The following KCNN2 variants were observed in gnomAD, a reference collection of about 807,000 sequenced individuals.
The protein encoded by KCNN2 is small conductance calcium-activated potassium channel protein 2.
A neutral mutation model predicts 55.5 loss-of-function variants in KCNN2; 24 were observed. The ratio of observed to expected loss-of-function variants is 0.43; its 90% CI spans 0.31 to 0.61. KCNN2 has a LOEUF of 0.61. Ranked by LOEUF, KCNN2 falls within the 20% of genes least tolerant of loss-of-function variation. The probability of loss-of-function intolerance (pLI) is 0.08; values close to 1 mark genes in which losing one functional copy is unlikely to be tolerated. For synonymous variants in KCNN2, 431 were observed against 336.1 expected (o/e 1.28, Z -3.09); for missense variants, 754 against 853.6 (o/e 0.88, Z 1.45).
intron 2 of KCNN2, among the ~76,000 whole-genome samples, chr5:114,366,203 G>A (rs1056676769): frequency 6.6e-6 from 1 of 152,134 alleles, no homozygotes; most frequent in South Asian, 2.1e-4. Context: ...TTTGATTAGG[G>A]TATGTATTGC....
intron 3 of KCNN2, among the ~76,000 whole-genome samples, chr5:114,405,898 G>A (rs1758915676): frequency 6.6e-6 from 1 of 151,910 alleles, no homozygotes; most frequent in Admixed American, 6.6e-5. Flanking sequence ...TTTTAGTAGA[G>A]ACGGGGTTTC....
At chr5:114,325,379 G>A (rs1756695326) in intron 2 of KCNN2, among the ~76,000 whole-genome samples, 1 of 152,176 alleles carries the variant, frequency 6.6e-6, no homozygotes, top group African/African-American at 2.4e-5. Flanking sequence ...TGCAAAAGAT[G>A]CTAAAATTAA....
Position 114,496,142 on chromosome 5 carries a change from C to G in KCNN2, c.2336C>G (p.Ser779Cys). ...RSRSSSRRRRSSSTAPPTSSE... is the reference protein window; with the variant it reads ...RSRSSSRRRRCSSTAPPTSSE... ...CGGTCCTCGTCCAGGAGGCGGCGGT[C>G]CTCTTCCACAGCACCACCAACTTCA... Residue 779 changes from serine (S) to cysteine (C), a missense_variant, in exon 8 of 8, where the codon TCC becomes TGC. By Grantham distance (112) the Ser-to-Cys change is moderately radical. Around this residue, in one of 4 missense-constraint regions of KCNN2, gnomAD observed 164 missense variants for 156.6 expected, o/e 1.05. Transcript: ENST00000673685. The G allele has an allele frequency of 6.2e-7, 1 of 1,613,968 alleles. No individual in the cohort carries two copies. The highest frequency in any genetic ancestry group is 8.5e-7 in the Non-Finnish European group (1 of 1,179,952).
At chr5:114,356,967 C>T (rs1318356340) in intron 2 of KCNN2, among the ~76,000 whole-genome samples, 2 of 152,000 alleles carry the variant, frequency 1.3e-5, no homozygotes, top group Non-Finnish European at 1.5e-5. Context: ...TTCAGAGTGG[C>T]GGTGTCTCAT....
chr5:114,408,674 G>C (rs938596611), intron 3 of KCNN2, among the ~76,000 whole-genome samples: 2 of 152,078 alleles, frequency 1.3e-5, no homozygotes, highest in East Asian at 3.9e-4. Context: ...AAATAGCCAG[G>C]TCTGACAATA....
chr5:114,489,054 T>A (rs1747717463), intron 6 of KCNN2: 1 of 152,138 alleles, frequency 6.6e-6, no homozygotes, highest in Non-Finnish European at 1.5e-5. Flanking sequence ...TAATTACATG[T>A]GATTTACCTT....
chr5:114,084,736 C>G (rs1206585136), intron 1 of KCNN2, among the ~76,000 whole-genome samples: 1 of 151,894 alleles, frequency 6.6e-6, no homozygotes, highest in East Asian at 1.9e-4. Context: ...AAAGTCATCA[C>G]AGAACACAAG....
intron 3 of KCNN2, among the ~76,000 whole-genome samples, chr5:114,452,328 C>A (rs1760729411): frequency 6.6e-6 from 1 of 152,100 alleles, no homozygotes; most frequent in South Asian, 2.1e-4. Context: ...CATTATTAGA[C>A]ACTCATGTCA....
At chr5:114,463,957 G>T (rs368271924) in intron 4 of KCNN2, among the ~76,000 whole-genome samples, 12 of 152,318 alleles carry the variant, frequency 7.9e-5, no homozygotes, top group Admixed American at 5.2e-4. Flanking sequence ...GCTCAGTACA[G>T]TGGAGCCAGG....
At chr5:114,123,614 C>T (rs960009842) in intron 1 of KCNN2, among the ~76,000 whole-genome samples, 5 of 145,438 alleles carry the variant, frequency 3.4e-5, no homozygotes, top group South Asian at 2.2e-4. Flanking sequence ...CCGCCCGCCT[C>T]GGCCTCCCAA....
Position 114,237,717 on chromosome 5 carries a change from A to T in KCNN2, c.-185+16152A>T, listed in dbSNP as rs535560093. Among the ~76,000 whole-genome samples, 432 of 152,310 alleles carry T rather than the reference A, an allele frequency of 2.8e-3. 4 individuals are homozygous for T. Among genetic ancestry groups the T allele is most frequent in the African/African-American group, 0.01 (420 of 41,562 alleles). Reference sequence around the variant, plus strand: ...CTTACTGCCCTAATGTTTTATGATTATGCATTGTATTATTTATGGTAATTA... The same window carrying T: ...CTTACTGCCCTAATGTTTTATGATTTTGCATTGTATTATTTATGGTAATTA... On this transcript the variant is annotated intron_variant, in intron 2 of 10. Coordinates refer to the KCNN2 transcript ENST00000512097.
chr5:114,386,064 C>T (rs1288635789), intron 2 of KCNN2, among the ~76,000 whole-genome samples: 1 of 151,624 alleles, frequency 6.6e-6, no homozygotes, highest in African/African-American at 2.4e-5. Flanking sequence ...CACTTGTAGT[C>T]CCAGCTACTC....
chr5:114,276,084 G>T (rs1243260066), intron 2 of KCNN2, among the ~76,000 whole-genome samples: 1 of 152,056 alleles, frequency 6.6e-6, no homozygotes. Flanking sequence ...ATTTCGTTAT[G>T]TATCCAGTAG....
chr5:114,492,366 C>T (rs1747900452), intron 6 of KCNN2, among the ~76,000 whole-genome samples: 1 of 152,070 alleles, frequency 6.6e-6, no homozygotes, highest in Admixed American at 6.6e-5. Context: ...TGTAAAATGA[C>T]TTGTCATCAA....
intron 1 of KCNN2, among the ~76,000 whole-genome samples, chr5:114,133,828 G>A (rs1212265634): frequency 6.6e-6 from 1 of 152,164 alleles, no homozygotes; most frequent in Admixed American, 6.5e-5. Flanking sequence ...ACCAAGTAAG[G>A]AGTCCGATGG....
chr5:114,257,148 T>A (rs1252747783), intron 2 of KCNN2, among the ~76,000 whole-genome samples: 3 of 152,144 alleles, frequency 2.0e-5, no homozygotes, highest in Non-Finnish European at 4.4e-5. Flanking sequence ...TTATCAACTT[T>A]GTCAAAGATC....
chr5:114,279,421 G>A (rs1755570757), intron 2 of KCNN2, among the ~76,000 whole-genome samples: 1 of 152,020 alleles, frequency 6.6e-6, no homozygotes, highest in Non-Finnish European at 1.5e-5. Flanking sequence ...ATTTACATTA[G>A]GTATATCTCC....
chr5:114,291,938 C>T (rs370424761), intron 2 of KCNN2, among the ~76,000 whole-genome samples: 47,708 of 151,228 alleles, frequency 0.32, 7,616 homozygotes, highest in African/African-American at 0.34. Flanking sequence ...TGTCTGATGG[C>T]CAGTGATGAT....
chr5:114,144,119 T>G (rs1454889564), intron 1 of KCNN2, among the ~76,000 whole-genome samples: 1 of 152,224 alleles, frequency 6.6e-6, no homozygotes, highest in Non-Finnish European at 1.5e-5. Context: ...TGCTTATGTC[T>G]AAACTTAAAT....
Sources: gnomAD v4.1 joint callset for allele counts (sites outside exome capture counted in the v4.1 genomes callset) on GRCh38, gnomAD v4.1.1 for gene constraint, gnomAD v4.1.1 regional missense constraint, MANE v1.5 for transcripts, NCBI Gene and HGNC (gene_info 2026-07-23, HGNC 2026-07-21) for gene names.